Variants in VCF1 observed in about 807,000 individuals in gnomAD.
VCF1 encodes VCP nuclear cofactor family member 1.
chr17:73,207,834 A>G, the VCF1 span: 17 of 1,270,844 alleles, frequency 1.3e-5, no homozygotes, highest in Non-Finnish European at 1.7e-5. Context: ...GTTAGACACA[A>G]TATTAGCAGT....
At chr17:73,232,131 C>A in the VCF1 span, 4 of 1,609,952 alleles carry the variant, frequency 2.5e-6, no homozygotes, top group Non-Finnish European at 2.5e-6. Context: ...ATGGAAGCTA[C>A]GCGGCGCCGC....
chr17:73,220,222 TAAA>T, the VCF1 span, among the ~76,000 whole-genome samples: 1 of 152,162 alleles, frequency 6.6e-6, no homozygotes, highest in Non-Finnish European at 1.5e-5. Context: ...CATTATTTTT[TAAA>T]AAATCACCCA....
the VCF1 span, chr17:73,212,746 A>G: frequency 1.3e-6 from 2 of 1,579,308 alleles, no homozygotes; most frequent in Non-Finnish European, 1.7e-6. Flanking sequence ...ACTGTCTGAA[A>G]ATCAAGGCAA....
the VCF1 span, among the ~76,000 whole-genome samples, chr17:73,216,518 G>A: frequency 6.6e-6 from 1 of 152,240 alleles, no homozygotes; most frequent in East Asian, 1.9e-4. Flanking sequence ...AAGCTGAGGG[G>A]AAAACAAGGC....
the VCF1 span, chr17:73,209,842 C>T: frequency 3.3e-6 from 5 of 1,519,772 alleles, no homozygotes; most frequent in Non-Finnish European, 4.4e-6. Context: ...GTTTCATGTA[C>T]AGCGCTCTAT....
At chr17:73,224,885 CACAGGACAGGACAGGACAGG>C in the VCF1 span, among the ~76,000 whole-genome samples, 2 of 125,194 alleles carry the variant, frequency 1.6e-5, no homozygotes, top group African/African-American at 7.3e-5. Context: ...GACAGCACAG[CACAGGACAGGACAGGACAGG>C]ACAGGACAGG....
chr17:73,208,259 T>C, the VCF1 span: 1 of 1,610,976 alleles, frequency 6.2e-7, no homozygotes, highest in Non-Finnish European at 8.5e-7. Flanking sequence ...GGAGGGCGAG[T>C]GGGCAGGAGG....
At chr17:73,225,861 G>GA in the VCF1 span, among the ~76,000 whole-genome samples, 719 of 122,104 alleles carry the variant, frequency 5.9e-3, 4 homozygotes, top group Middle Eastern at 0.064. Flanking sequence ...AAGCAAATAG[G>GA]AAAAAAATAT....
the VCF1 span, among the ~76,000 whole-genome samples, chr17:73,228,694 T>C: frequency 5.3e-5 from 8 of 152,172 alleles, no homozygotes; most frequent in East Asian, 5.8e-4. Context: ...TAAAAAAAAA[T>C]AGATGAATAT....
chr17:73,214,478 T>G, the VCF1 span, among the ~76,000 whole-genome samples: 286 of 152,308 alleles, frequency 1.9e-3, 1 homozygote, highest in African/African-American at 6.5e-3. Context: ...TAGTTGATCT[T>G]AACACTGTCA....
the VCF1 span, among the ~76,000 whole-genome samples, chr17:73,212,015 G>A: frequency 6.6e-6 from 1 of 152,094 alleles, no homozygotes; most frequent in African/African-American, 2.4e-5. Context: ...TACGCAATCG[G>A]AATGAGACTG....
the VCF1 span, chr17:73,208,583 T>G: frequency 9.0e-7 from 1 of 1,115,554 alleles, no homozygotes. Flanking sequence ...CCCTAGTTAC[T>G]GTTGGGGGTT....
chr17:73,217,680 G>A, the VCF1 span, among the ~76,000 whole-genome samples: 8 of 151,192 alleles, frequency 5.3e-5, no homozygotes, highest in East Asian at 4.0e-4. Flanking sequence ...AAGGCCAGGC[G>A]CAGTGGCTCA....
the VCF1 span, chr17:73,209,415 A>C: frequency 7.6e-7 from 1 of 1,319,814 alleles, no homozygotes; most frequent in South Asian, 1.4e-5. Flanking sequence ...ATATAGACTG[A>C]AAAGCCAACA....
the VCF1 span, chr17:73,227,590 A>G: frequency 1.0e-6 from 1 of 987,540 alleles, no homozygotes; most frequent in Non-Finnish European, 1.2e-6. Context: ...AACCTAATTA[A>G]GGTTTTCTTC....
the VCF1 span, chr17:73,229,683 T>C: frequency 2.1e-6 from 1 of 483,472 alleles, no homozygotes. Context: ...CTGGCCCACA[T>C]GGTGAAACCC....
the VCF1 span, among the ~76,000 whole-genome samples, chr17:73,229,854 T>A: frequency 1.7e-4 from 4 of 23,162 alleles, no homozygotes; most frequent in African/African-American, 6.6e-4. Flanking sequence ...GCCGACACAG[T>A]GAGACTCCAT....
At chr17:73,208,423 T>C in the VCF1 span, 1 of 1,614,206 alleles carries the variant, frequency 6.2e-7, no homozygotes, top group Non-Finnish European at 8.5e-7. Context: ...TTATTCAAAC[T>C]TGGCTGGCTC....
At chr17:73,224,865 C>CACAGCACAGG in the VCF1 span, among the ~76,000 whole-genome samples, 1 of 128,752 alleles carries the variant, frequency 7.8e-6, no homozygotes, top group African/African-American at 3.2e-5. Flanking sequence ...GACAGGACAG[C>CACAGCACAGG]ACAGGACAGG....
Sources: gnomAD v4.1 joint callset for allele counts (sites outside exome capture counted in the v4.1 genomes callset) on GRCh38, gnomAD v4.1.1 for gene constraint, MANE v1.5 for transcripts, NCBI Gene and HGNC (gene_info 2026-07-23, HGNC 2026-07-21) for gene names.